Variants in OTUD7B observed in about 807,000 individuals in gnomAD.
OTUD7B encodes the protein OTU domain-containing protein 7B.
A neutral mutation model predicts 82.2 loss-of-function variants in OTUD7B; 34 were observed. The observed-to-expected ratio is 0.41, with a 90% CI of 0.31 to 0.55. OTUD7B has a LOEUF of 0.55. Ranked by LOEUF, OTUD7B falls within the 20% of genes least tolerant of loss-of-function variation. OTUD7B has a pLI of 0.20. For missense variants in OTUD7B, 944 were observed against 1,062.1 expected, an observed-to-expected ratio of 0.89 and a Z score of 1.55; for synonymous variants, 398 against 402.7, an observed-to-expected ratio of 0.99 and a Z score of 0.14.
Position 149,944,119 on chromosome 1 carries a change from T to C in OTUD7B, c.2270A>G (p.Asp757Gly). 1 of 1,614,040 alleles carries C rather than the reference T, an allele frequency of 6.2e-7. No individual in the cohort carries two copies. The highest frequency in any genetic ancestry group is 1.3e-5 in the African/African-American group (1 of 75,020). ...TAACAAGGCACCCCTGTGAAGTCCA[T>C]CCTTAGAGTGGCTGCCTGGCTCCAG... Reference protein sequence around the residue: ...PSLEPGSHSKDGLHRGALLPP... With the variant: ...PSLEPGSHSKGGLHRGALLPP... Residue 757 changes from aspartate to glycine, a missense_variant, in exon 12 of 12, where the codon GAT (aspartate) becomes GGT (glycine). This residue lies in a region of OTUD7B where 412 missense variants were observed against 418.7 expected (regional missense o/e 0.98). Transcript: ENST00000581312.
chr1:149,982,306 G>A (rs956882205), intron 1 of OTUD7B, among the ~76,000 whole-genome samples: 24 of 151,440 alleles, frequency 1.6e-4, no homozygotes, highest in Middle Eastern at 6.9e-3. Context: ...AACCTAGATA[G>A]TCTGAACCCA....
intron 1 of OTUD7B, among the ~76,000 whole-genome samples, chr1:149,978,301 G>GT (rs1383991254): frequency 1.3e-5 from 2 of 152,194 alleles, no homozygotes; most frequent in Non-Finnish European, 2.9e-5. Context: ...GAGGTCAGGA[G>GT]TTTGAGACCA....
chr1:149,982,717 A>C (rs1571687770), intron 1 of OTUD7B, among the ~76,000 whole-genome samples: 1 of 151,350 alleles, frequency 6.6e-6, no homozygotes, highest in African/African-American at 2.4e-5. Flanking sequence ...TACTAAGACC[A>C]CCTCCACAAC....
At position 149,942,820 on chromosome 1, in the gene OTUD7B, G is replaced by A. The variant is rs1285126868; in HGVS notation, c.*1037C>T. 2 of 152,220 alleles carry A rather than the reference G, an allele frequency of 1.3e-5. No homozygotes were observed. The highest frequency in any genetic ancestry group is 4.8e-5 in the African/African-American group (2 of 41,288). The allele number at this position is 152,220 out of a possible 1,614,324, so 9.4% of individuals were successfully genotyped here. A position where few individuals can be genotyped will look rare whatever the true frequency, so the allele number is the denominator to read the frequency against. ...TTTTTTAAATGTTTTTGCTTGCTGG[G>A]GTCTTTTTATTTCTTTTCCTTAAAA... On this transcript the variant is annotated 3_prime_UTR_variant, in exon 12 of 12. Coordinates refer to ENST00000581312, the MANE Select transcript of OTUD7B (RefSeq NM_020205.4).
At chr1:150,013,500 C>G (rs1439555178), upstream of OTUD7B, among the ~76,000 whole-genome samples, 3 of 152,080 alleles carry the variant, frequency 2.0e-5, no homozygotes, top group African/African-American at 7.2e-5. Flanking sequence ...CCACCGCCAC[C>G]AATATAATTT....
the OTUD7B span, chr1:150,054,944 C>T: frequency 3.2e-6 from 1 of 310,358 alleles, no homozygotes; most frequent in Admixed American, 3.9e-5. Flanking sequence ...CAGATTTTAA[C>T]CAAAATCAAA....
rs781947466 is a variant in OTUD7B at position 149,944,323 on chromosome 1, G to C, written c.2066C>G (p.Ser689Cys). ...AGTAAAGTCCCCAGGGTAGCCAGTG[G>C]AAAATGCCATTGCCCTGGACTCTGC... ...PPAESRAMAF[S>C]TGYPGDFTIP... Residue 689 changes from serine (S) to cysteine (C), a missense_variant, in exon 12 of 12, where the codon TCC becomes TGC. Around this residue, in one of 3 missense-constraint regions of OTUD7B, gnomAD observed 412 missense variants for 418.7 expected, o/e 0.98. Coordinates refer to ENST00000581312, the MANE Select transcript of OTUD7B (RefSeq NM_020205.4). 1.2e-5 allele frequency: 20 copies of C among 1,611,374 alleles called. No homozygotes were observed. The Admixed American group carries it at 3.3e-4, about 27-fold the overall frequency.
At chr1:150,058,275 G>C in the OTUD7B span, among the ~76,000 whole-genome samples, 1 of 152,174 alleles carries the variant, frequency 6.6e-6, no homozygotes, top group Non-Finnish European at 1.5e-5. Context: ...GGAGACCAAG[G>C]CGGGGCCAAT....
chr1:149,992,178 T>C (rs112558260), intron 1 of OTUD7B, among the ~76,000 whole-genome samples: 3,191 of 152,218 alleles, frequency 0.021, 92 homozygotes, highest in African/African-American at 0.07. Flanking sequence ...TGAGCTGACA[T>C]GGCGCCACTG....
upstream of OTUD7B, among the ~76,000 whole-genome samples, chr1:150,015,290 C>CTTTTTT (rs60374988): frequency 0.092 from 11,751 of 128,312 alleles, 509 homozygotes; most frequent in Non-Finnish European, 0.12. Flanking sequence ...TTTTCTTTCT[C>CTTTTTT]TTTTTTTTTT....
chr1:150,050,506 A>G, the OTUD7B span: 1 of 152,218 alleles, frequency 6.6e-6, no homozygotes, highest in Non-Finnish European at 1.5e-5. Flanking sequence ...ATGTGACTTC[A>G]TAGTAATTCA....
chr1:150,054,498 CT>C, the OTUD7B span: 39 of 490,302 alleles, frequency 8.0e-5, no homozygotes, highest in South Asian at 2.1e-4. Flanking sequence ...AAACATCTTA[CT>C]GATACTTACT....
At chr1:149,949,416 C>A (rs1326998342) in intron 9 of OTUD7B, among the ~76,000 whole-genome samples, 1 of 151,876 alleles carries the variant, frequency 6.6e-6, no homozygotes, top group Non-Finnish European at 1.5e-5. Flanking sequence ...TAATCATAAG[C>A]CTTTACTCCA....
intron 1 of OTUD7B, among the ~76,000 whole-genome samples, chr1:149,987,259 A>T (rs1490881012): frequency 1.3e-5 from 2 of 152,176 alleles, no homozygotes; most frequent in Non-Finnish European, 1.5e-5. Flanking sequence ...ACAATGCCAC[A>T]TTTTGTCCAG....
chr1:150,059,562 T>C, the OTUD7B span, among the ~76,000 whole-genome samples: 2 of 150,856 alleles, frequency 1.3e-5, no homozygotes, highest in Admixed American at 1.3e-4. Flanking sequence ...AGAGACGGGG[T>C]TTTTCCATGT....
chr1:150,004,035 T>G (rs782547317), intron 1 of OTUD7B, among the ~76,000 whole-genome samples: 1 of 152,178 alleles, frequency 6.6e-6, no homozygotes, highest in Admixed American at 6.5e-5. Context: ...CGTGTCACAG[T>G]TGTAGTTGAC....
At chr1:149,955,933 C>T in intron 7 of OTUD7B, among the ~76,000 whole-genome samples, 1 of 152,122 alleles carries the variant, frequency 6.6e-6, no homozygotes, top group South Asian at 2.1e-4. Flanking sequence ...TGTGTCTCTG[C>T]ACCTGAGATG....
At chr1:149,990,293 A>T (rs1167908668) in intron 1 of OTUD7B, among the ~76,000 whole-genome samples, 1 of 152,274 alleles carries the variant, frequency 6.6e-6, no homozygotes, top group Admixed American at 6.5e-5. Flanking sequence ...CATTCAAGAC[A>T]GAAGTAAGAT....
the OTUD7B span, among the ~76,000 whole-genome samples, chr1:150,027,724 T>C: frequency 6.6e-6 from 1 of 150,858 alleles, no homozygotes; most frequent in East Asian, 1.9e-4. Context: ...AAAGGATAAC[T>C]GCTAAAAAAA....
Sources: gnomAD v4.1 joint callset for allele counts (sites outside exome capture counted in the v4.1 genomes callset) on GRCh38, gnomAD v4.1.1 for gene constraint, gnomAD v4.1.1 regional missense constraint, MANE v1.5 for transcripts, NCBI Gene and HGNC (gene_info 2026-07-23, HGNC 2026-07-21) for gene names.